STPG2: variants seen among roughly 807,000 people sequenced by gnomAD.
STPG2 encodes the protein sperm tail PG-rich repeat containing 2.
STPG2 carries 56 observed loss-of-function variants against 54.2 expected under a neutral mutation model. That is an observed-to-expected ratio of 1.03 (90% CI 0.83 to 1.29). STPG2 has a LOEUF of 1.29. Among genes scored for constraint, STPG2 ranks in the 50% most tolerant of loss-of-function variants. STPG2 has a pLI of 0.00. For missense variants in STPG2, 596 were observed against 544.9 expected (o/e 1.09, Z -0.93); for synonymous variants, 200 against 181.8 (o/e 1.10, Z -0.81).
intron 4 of STPG2, among the ~76,000 whole-genome samples, chr4:97,535,030 A>T (rs1166386862): frequency 6.6e-6 from 1 of 152,220 alleles, no homozygotes; most frequent in Non-Finnish European, 1.5e-5. Flanking sequence ...TGGTTGAAGA[A>T]AATCTGAGTT....
intron 8 of STPG2, among the ~76,000 whole-genome samples, chr4:97,915,964 G>A (rs1414374879): frequency 6.6e-6 from 1 of 152,154 alleles, no homozygotes; most frequent in Non-Finnish European, 1.5e-5. Context: ...GATAGCAGAT[G>A]GGGCATAATT....
intron 8 of STPG2, among the ~76,000 whole-genome samples, chr4:97,898,783 G>A (rs916591767): frequency 2.0e-4 from 31 of 151,444 alleles, no homozygotes; most frequent in Non-Finnish European, 4.4e-5. Flanking sequence ...AATTCTGAAA[G>A]GATATGGGGA....
intron 10 of STPG2, among the ~76,000 whole-genome samples, chr4:97,679,438 C>G (rs1029025002): frequency 6.6e-6 from 1 of 152,018 alleles, no homozygotes; most frequent in South Asian, 2.1e-4. Context: ...TGAGAAGTGT[C>G]TGTTCATGTC....
intron 8 of STPG2, among the ~76,000 whole-genome samples, chr4:97,935,132 T>C (rs776540699): frequency 2.0e-5 from 3 of 152,218 alleles, no homozygotes; most frequent in Non-Finnish European, 2.9e-5. Context: ...GATTTTCTAG[T>C]TTATTTGCAT....
chr4:97,753,072 A>ATGAAAAATATACATAGC (rs1935960339), intron 9 of STPG2, among the ~76,000 whole-genome samples: 1 of 151,936 alleles, frequency 6.6e-6, no homozygotes, highest in Non-Finnish European at 1.5e-5. Context: ...ATTGTGGTAA[A>ATGAAAAATATACATAGC]ATATACATAG....
At chr4:97,555,831 T>A (rs953612974), downstream of STPG2, among the ~76,000 whole-genome samples, 13 of 152,128 alleles carry the variant, frequency 8.5e-5, no homozygotes, top group Non-Finnish European at 1.8e-4. Context: ...AAATCTCATC[T>A]TTATAAATAG....
At chr4:97,642,838 A>T (rs2148946826) in intron 10 of STPG2, among the ~76,000 whole-genome samples, 2 of 151,602 alleles carry the variant, frequency 1.3e-5, no homozygotes, top group African/African-American at 4.8e-5. Flanking sequence ...GAATATGTAA[A>T]CTGAAATTTT....
At chr4:97,873,370 A>G (rs959363332) in intron 8 of STPG2, among the ~76,000 whole-genome samples, 1 of 151,454 alleles carries the variant, frequency 6.6e-6, no homozygotes, top group Non-Finnish European at 1.5e-5. Context: ...ACCACTGTGA[A>G]AACCAGACCT....
At chr4:97,580,744 A>C (rs1194662926) in intron 10 of STPG2, among the ~76,000 whole-genome samples, 2 of 152,054 alleles carry the variant, frequency 1.3e-5, no homozygotes, top group Non-Finnish European at 2.9e-5. Flanking sequence ...GACAACCACC[A>C]TTTGATGTGG....
At chr4:98,077,100 TG>T (rs1211705372) in intron 5 of STPG2, among the ~76,000 whole-genome samples, 6 of 152,202 alleles carry the variant, frequency 3.9e-5, no homozygotes, top group African/African-American at 1.4e-4. Context: ...TTTGCCTAGT[TG>T]ACTTTTGTTC....
Position 97,446,103 on chromosome 4 carries a change from A to T in STPG2, c.463-258270T>A, listed in dbSNP as rs965838086. ...CTTGATAATGCAATTTAACTAAAAA[A>T]GTCTACATGCTAAAATAAGATATAA... On this transcript the variant is annotated intron_variant, in intron 4 of 4. Coordinates refer to the STPG2 transcript ENST00000522676. 1.5e-3 allele frequency among the ~76,000 whole-genome samples: 231 copies of T among 152,324 alleles called. 1 individual carries two copies. Among genetic ancestry groups the T allele is most frequent in the Non-Finnish European group, 1.9e-3 (127 of 68,018 alleles).
chr4:97,679,240 C>A (rs1346624534), intron 10 of STPG2, among the ~76,000 whole-genome samples: 5 of 152,300 alleles, frequency 3.3e-5, no homozygotes, highest in African/African-American at 9.6e-5. Flanking sequence ...ACAGTCCCAC[C>A]AACAGTGTAA....
At chr4:97,614,193 C>A (rs1396545570) in intron 10 of STPG2, among the ~76,000 whole-genome samples, 1 of 151,922 alleles carries the variant, frequency 6.6e-6, no homozygotes, top group Admixed American at 6.6e-5. Flanking sequence ...ATAATACCAG[C>A]CATTTAGGCC....
At chr4:97,467,666 A>G (rs780178632) in intron 4 of STPG2, among the ~76,000 whole-genome samples, 1 of 151,958 alleles carries the variant, frequency 6.6e-6, no homozygotes, top group African/African-American at 2.4e-5. Context: ...ATGAGAAAGT[A>G]GGCAAATAGG....
At chr4:97,552,356 A>G (rs1025785257) in intron 4 of STPG2, among the ~76,000 whole-genome samples, 1 of 152,154 alleles carries the variant, frequency 6.6e-6, no homozygotes, top group African/African-American at 2.4e-5. Context: ...TGTTTATAAA[A>G]TAAAAAATTA....
intron 10 of STPG2, among the ~76,000 whole-genome samples, chr4:97,604,609 T>C (rs1485877827): frequency 6.6e-6 from 1 of 151,740 alleles, no homozygotes; most frequent in African/African-American, 2.4e-5. Flanking sequence ...GAGCCCAATC[T>C]TTACCGGTTC....
At chr4:97,648,495 T>C (rs970450943) in intron 10 of STPG2, among the ~76,000 whole-genome samples, 1 of 152,172 alleles carries the variant, frequency 6.6e-6, no homozygotes, top group African/African-American at 2.4e-5. Flanking sequence ...TTGTGTTTAC[T>C]TGAATCGATC....
chr4:97,887,354 G>C (rs1730616341), intron 8 of STPG2, among the ~76,000 whole-genome samples: 1 of 152,190 alleles, frequency 6.6e-6, no homozygotes, highest in Non-Finnish European at 1.5e-5. Context: ...AGGTCAGGTT[G>C]ACAAGATCTC....
intron 9 of STPG2, among the ~76,000 whole-genome samples, chr4:97,737,035 G>A (rs1725026081): frequency 6.6e-6 from 1 of 152,194 alleles, no homozygotes; most frequent in South Asian, 2.1e-4. Context: ...CGACCAGACA[G>A]CAGCATTCGC....
Sources: allele counts gnomAD v4.1 joint callset (sites outside exome capture counted in the v4.1 genomes callset), GRCh38; gene constraint gnomAD v4.1.1; transcripts MANE v1.5; gene names NCBI Gene and HGNC (gene_info 2026-07-23, HGNC 2026-07-21).